The following KLF8 variants were observed in gnomAD, a reference collection of about 807,000 sequenced individuals.
KLF8 encodes KLF transcription factor 8.
KLF8 carries 10 observed loss-of-function variants against 18.2 expected under a neutral mutation model. The observed-to-expected ratio is 0.55, with a 90% CI of 0.34 to 0.93. The LOEUF is 0.93. Ranked by LOEUF, KLF8 falls within the 40% of genes least tolerant of loss-of-function variation. KLF8 has a pLI of 0.02. For synonymous variants in KLF8, 109 were observed against 97.3 expected (o/e 1.12, Z -0.71); for missense variants, 264 against 277.9 (o/e 0.95, Z 0.36).
At chrX:56,159,854 A>AT in the KLF8 span, among the ~76,000 whole-genome samples, 3 of 110,944 alleles carry the variant, frequency 2.7e-5, no homozygotes, top group East Asian at 2.8e-4. Context: ...GGATTCATTG[A>AT]TTTTTTGAAG....
chrX:56,003,189 G>A, the KLF8 span, among the ~76,000 whole-genome samples: 9 of 110,128 alleles, frequency 8.2e-5, no homozygotes, highest in African/African-American at 3.0e-4. Context: ...TCAGGAGTTC[G>A]AGACCAGCCT....
chrX:55,952,246 A>G, the KLF8 span, among the ~76,000 whole-genome samples: 1 of 112,243 alleles, frequency 8.9e-6, no homozygotes, highest in Non-Finnish European at 1.9e-5. Context: ...AACGTTGAAG[A>G]GAGAAATACT....
chrX:56,075,693 G>A, the KLF8 span, among the ~76,000 whole-genome samples: 107 of 111,052 alleles, frequency 9.6e-4, no homozygotes, highest in African/African-American at 3.0e-3. Flanking sequence ...TCTGGTAACC[G>A]TCCTTATACT....
At chrX:56,276,686 C>A (rs1248910630) in intron 5 of KLF8, among the ~76,000 whole-genome samples, 1 of 111,331 alleles carries the variant, frequency 9.0e-6, no homozygotes, top group Non-Finnish European at 1.9e-5. Flanking sequence ...CTTTCTTTAT[C>A]CTTGACCTTT....
At chrX:55,974,621 A>T in the KLF8 span, among the ~76,000 whole-genome samples, 2 of 112,363 alleles carry the variant, frequency 1.8e-5, no homozygotes, top group African/African-American at 6.5e-5. Flanking sequence ...AAGCATTCTG[A>T]TGAGTAGTAT....
chrX:56,051,783 T>C, the KLF8 span, among the ~76,000 whole-genome samples: 8 of 107,729 alleles, frequency 7.4e-5, no homozygotes, highest in Admixed American at 9.7e-5. Context: ...CTTTGTGGTG[T>C]TCTCTGTATT....
the KLF8 span, among the ~76,000 whole-genome samples, chrX:56,145,872 G>GAA: frequency 4.0e-4 from 42 of 104,827 alleles, no homozygotes; most frequent in African/African-American, 1.2e-3. Context: ...AAATTTACAA[G>GAA]AAAAAAAAAA....
the KLF8 span, among the ~76,000 whole-genome samples, chrX:55,989,585 T>G: frequency 8.9e-6 from 1 of 112,335 alleles, no homozygotes; most frequent in Non-Finnish European, 1.9e-5. Context: ...CTTTTTGATG[T>G]ACTGCTGCAT....
the KLF8 span, among the ~76,000 whole-genome samples, chrX:56,058,220 GTA>G: frequency 1.4e-3 from 34 of 24,620 alleles, no homozygotes; most frequent in African/African-American, 2.8e-3. Flanking sequence ...ATATATACGT[GTA>G]TATATATATA....
the KLF8 span, among the ~76,000 whole-genome samples, chrX:56,006,445 G>C: frequency 8.9e-6 from 1 of 111,781 alleles, no homozygotes; most frequent in Non-Finnish European, 1.9e-5. Flanking sequence ...CATTCTCAAG[G>C]CTTCACTCTG....
the KLF8 span, among the ~76,000 whole-genome samples, chrX:56,050,423 C>G: frequency 4.5e-5 from 5 of 112,151 alleles, no homozygotes; most frequent in East Asian, 2.8e-4. Flanking sequence ...AAATTTCCCT[C>G]TACACACTGC....
chrX:56,048,843 T>A, the KLF8 span, among the ~76,000 whole-genome samples: 1 of 111,602 alleles, frequency 9.0e-6, no homozygotes, highest in Non-Finnish European at 1.9e-5. Flanking sequence ...CATTGAATCT[T>A]TAAATTACCT....
chrX:56,258,736 TG>T (rs2066839847), intron 2 of KLF8, among the ~76,000 whole-genome samples: 2 of 112,059 alleles, frequency 1.8e-5, no homozygotes, highest in Admixed American at 9.5e-5. Context: ...GCACTTTTTT[TG>T]TTTGTTTCTT....
chrX:56,188,376 C>CA, the KLF8 span, among the ~76,000 whole-genome samples: 1 of 110,839 alleles, frequency 9.0e-6, no homozygotes, highest in African/African-American at 3.3e-5. Context: ...AAAGAGGATA[C>CA]AAAAAAATGG....
the KLF8 span, among the ~76,000 whole-genome samples, chrX:56,041,191 C>A: frequency 2.7e-5 from 3 of 109,974 alleles, no homozygotes; most frequent in African/African-American, 9.9e-5. Context: ...ATGGCATGAT[C>A]TCGGCTCACT....
the KLF8 span, among the ~76,000 whole-genome samples, chrX:56,096,760 C>T: frequency 9.0e-6 from 1 of 110,945 alleles, no homozygotes. Flanking sequence ...GAACTCTAGA[C>T]AGGCTAATCT....
At chrX:56,050,761 T>C in the KLF8 span, among the ~76,000 whole-genome samples, 7 of 111,360 alleles carry the variant, frequency 6.3e-5, no homozygotes, top group Non-Finnish European at 1.3e-4. Flanking sequence ...TGTGGTGGAG[T>C]TTTCTGTAGA....
At chrX:56,086,312 G>C in the KLF8 span, among the ~76,000 whole-genome samples, 1,015 of 111,398 alleles carry the variant, frequency 9.1e-3, 16 homozygotes, top group African/African-American at 0.032. Flanking sequence ...TTCCAATCTG[G>C]CCTTAGTGAC....
the KLF8 span, among the ~76,000 whole-genome samples, chrX:56,073,894 C>T: frequency 9.0e-6 from 1 of 111,060 alleles, no homozygotes; most frequent in African/African-American, 3.3e-5. Context: ...TATAGGCGTG[C>T]GCCACTATGC....
Sources: gnomAD v4.1 joint callset for allele counts (sites outside exome capture counted in the v4.1 genomes callset) on GRCh38, gnomAD v4.1.1 for gene constraint, MANE v1.5 for transcripts, NCBI Gene and HGNC (gene_info 2026-07-23, HGNC 2026-07-21) for gene names.